Variants in PPFIBP1 observed in about 807,000 individuals in gnomAD.
PPFIBP1 encodes the protein liprin-beta-1.
Under a neutral mutation model 137.8 loss-of-function variants are expected in PPFIBP1, and 112 were observed. The ratio of observed to expected loss-of-function variants is 0.81; its 90% CI spans 0.70 to 0.95. The LOEUF (loss-of-function observed/expected upper bound fraction) is 0.95, where lower values mean the gene tolerates loss of function less well. Ranked by LOEUF, PPFIBP1 falls within the 40% of genes least tolerant of loss-of-function variation. The pLI, the probability that PPFIBP1 is intolerant of heterozygous loss-of-function variation, is 0.00. For synonymous variants in PPFIBP1, 378 were observed against 417.3 expected, an observed-to-expected ratio of 0.91 and a Z score of 1.15; for missense variants, 1,083 against 1,196.6, an observed-to-expected ratio of 0.91 and a Z score of 1.40.
intron 7 of PPFIBP1, among the ~76,000 whole-genome samples, chr12:27,652,268 G>A (rs1339671294): frequency 1.3e-5 from 2 of 152,158 alleles, no homozygotes; most frequent in African/African-American, 4.8e-5. Context: ...AAAGGACTGA[G>A]GGTACAAGTC....
intron 4 of PPFIBP1, among the ~76,000 whole-genome samples, chr12:27,642,303 C>T (rs1006302623): frequency 6.6e-6 from 1 of 152,162 alleles, no homozygotes; most frequent in Non-Finnish European, 1.5e-5. Context: ...ACTCCAATTT[C>T]GACTTAGCTG....
chr12:27,525,683 G>T (rs1013353634), intron 1 of PPFIBP1, among the ~76,000 whole-genome samples: 2 of 152,070 alleles, frequency 1.3e-5, no homozygotes, highest in African/African-American at 4.8e-5. Flanking sequence ...CCCCTGAAGG[G>T]AAAAGGCATT....
chr12:27,650,525 T>G (rs1321299705), intron 7 of PPFIBP1, among the ~76,000 whole-genome samples: 2 of 152,254 alleles, frequency 1.3e-5, no homozygotes, highest in Non-Finnish European at 2.9e-5. Flanking sequence ...GATTATTTAC[T>G]ATGTAATTGG....
At chr12:27,676,780 T>C (rs774081681) in intron 18 of PPFIBP1, 181 bp downstream of exon 18, 3 of 699,848 alleles carry the variant, frequency 4.3e-6, no homozygotes, top group Non-Finnish European at 7.2e-6. Flanking sequence ...TGTGAAGATA[T>C]ATAGACTCTC....
At chr12:27,674,949 A>C (rs1421744494) in intron 17 of PPFIBP1, among the ~76,000 whole-genome samples, 1 of 146,782 alleles carries the variant, frequency 6.8e-6, no homozygotes, top group East Asian at 2.0e-4. Flanking sequence ...AGTAGCTGGG[A>C]TTACAGGCGT....
chr12:27,529,491 C>T (rs577142403), intron 1 of PPFIBP1, among the ~76,000 whole-genome samples: 11 of 152,214 alleles, frequency 7.2e-5, no homozygotes, highest in South Asian at 6.2e-4. Context: ...GTCAGGAGTT[C>T]GAGACCAGCC....
chr12:27,633,474 T>C lies in PPFIBP1; in HGVS notation c.64+14T>C. ...GTATCATAGCAGGTGATCTGCATCC[T>C]GTGAAAGACAGAATCACAACATTTA... On this transcript the variant is annotated intron_variant, in intron 3 of 29. Transcript: ENST00000228425. 1 of 1,607,046 alleles carries C rather than the reference T, an allele frequency of 6.2e-7. No individual in the cohort carries two copies.
intron 2 of PPFIBP1, among the ~76,000 whole-genome samples, chr12:27,590,815 A>G (rs368830456): frequency 6.6e-6 from 1 of 152,226 alleles, no homozygotes; most frequent in East Asian, 1.9e-4. Flanking sequence ...ATTTTAAAAA[A>G]TATCTGGGAG....
rs1374474977 is a variant in PPFIBP1, at chr12:27,591,023, T to C, written c.-36+12784T>C. On this transcript the variant is annotated intron_variant, in intron 2 of 29. Coordinates refer to ENST00000228425, the MANE Select transcript of PPFIBP1 (RefSeq NM_003622.4). ...TTTACCCACTACAGAATATTATCACTCATAGTCTTTATAGTCATATATTTG... is the reference window on the plus strand; with the variant it reads ...TTTACCCACTACAGAATATTATCACCCATAGTCTTTATAGTCATATATTTG... Among the ~76,000 whole-genome samples the C allele has an allele frequency of 3.3e-5, 5 of 152,208 alleles. No homozygotes were observed. In the East Asian group the frequency reaches 5.8e-4, roughly 18 times the overall value.
chr12:27,563,460 G>GA (rs10607744), intron 1 of PPFIBP1, among the ~76,000 whole-genome samples: 3 of 119,518 alleles, frequency 2.5e-5, no homozygotes, highest in African/African-American at 9.8e-5. Flanking sequence ...CCATCTCAAA[G>GA]AAAAAAAAAA....
intron 2 of PPFIBP1, among the ~76,000 whole-genome samples, chr12:27,589,431 C>T (rs1012299443): frequency 4.6e-5 from 7 of 152,114 alleles, no homozygotes; most frequent in African/African-American, 9.7e-5. Flanking sequence ...AGGCATGAGC[C>T]ACGGCACCTG....
intron 13 of PPFIBP1, among the ~76,000 whole-genome samples, chr12:27,670,786 A>ATACT (rs60342009): frequency 3.6e-5 from 5 of 139,062 alleles, no homozygotes; most frequent in African/African-American, 1.3e-4. Flanking sequence ...CTCAAAAAAA[A>ATACT]AAAAAAAAAA....
At chr12:27,555,868 A>G (rs912567078) in intron 1 of PPFIBP1, among the ~76,000 whole-genome samples, 4 of 152,248 alleles carry the variant, frequency 2.6e-5, no homozygotes, top group Admixed American at 1.3e-4. Context: ...TATAGCTTAA[A>G]TCAGAGCCTT....
intron 25 of PPFIBP1, 28 bp from the exon 26 acceptor site, chr12:27,688,270 T>C (rs1236711068): frequency 2.5e-6 from 4 of 1,608,938 alleles, no homozygotes; most frequent in African/African-American, 1.3e-5. Context: ...AATTTAATAT[T>C]TAGGATCCTG....
chr12:27,592,797 G>A, intron 2 of PPFIBP1: 1 of 697,174 alleles, frequency 1.4e-6, no homozygotes. Flanking sequence ...CATGACAGCA[G>A]CCAAGTCAAC....
chr12:27,598,538 C>CTGTGTGTGTGTGTGTG (rs71039825), intron 2 of PPFIBP1, among the ~76,000 whole-genome samples: 3 of 150,724 alleles, frequency 2.0e-5, no homozygotes, highest in African/African-American at 7.3e-5. Flanking sequence ...TCTCTATAAT[C>CTGTGTGTGTGTGTGTG]TGTGTGTGTG....
At chr12:27,541,894 T>TGGTC (rs1222844120) in intron 1 of PPFIBP1, among the ~76,000 whole-genome samples, 1 of 152,162 alleles carries the variant, frequency 6.6e-6, no homozygotes, top group Non-Finnish European at 1.5e-5. Flanking sequence ...TTGTGTTTTC[T>TGGTC]GGTCGTAGTT....
intron 24 of PPFIBP1, among the ~76,000 whole-genome samples, chr12:27,684,868 C>T (rs1458878891): frequency 6.6e-6 from 1 of 152,134 alleles, no homozygotes; most frequent in Admixed American, 6.5e-5. Flanking sequence ...CTTCCTCTAA[C>T]GTTAACATCT....
At chr12:27,583,814 G>A (rs2051392356) in intron 2 of PPFIBP1, among the ~76,000 whole-genome samples, 1 of 152,126 alleles carries the variant, frequency 6.6e-6, no homozygotes, top group South Asian at 2.1e-4. Context: ...GGACAGAAAA[G>A]GACAGAAAAC....
Sources: gnomAD v4.1 joint callset for allele counts (sites outside exome capture counted in the v4.1 genomes callset) on GRCh38, gnomAD v4.1.1 for gene constraint, MANE v1.5 for transcripts, NCBI Gene and HGNC (gene_info 2026-07-23, HGNC 2026-07-21) for gene names.